AAMDC: variants seen among roughly 807,000 people sequenced by gnomAD.
AAMDC encodes the protein adipogenesis associated Mth938 domain containing.
In AAMDC, 16 loss-of-function variants were observed where a neutral mutation model predicts 15.5. The observed-to-expected ratio is 1.03, with a 90% confidence interval of 0.70 to 1.57. The LOEUF (loss-of-function observed/expected upper bound fraction) is 1.57, where lower values mean the gene tolerates loss of function less well. Among genes scored for constraint, AAMDC ranks in the 40% most tolerant of loss-of-function variants. AAMDC has a pLI of 0.00. For missense variants in AAMDC, 141 were observed against 144.9 expected (o/e 0.97, Z 0.14); for synonymous variants, 51 against 51.6 (o/e 0.99, Z 0.05).
intron 5 of AAMDC, among the ~76,000 whole-genome samples, chr11:77,879,591 C>T (rs141675898): frequency 1.3e-3 from 201 of 152,204 alleles, no homozygotes; most frequent in African/African-American, 4.2e-3. Context: ...GGAAGTGGTT[C>T]GCCAAAAAGT....
intron 1 of AAMDC, among the ~76,000 whole-genome samples, chr11:77,826,878 G>A (rs1410244185): frequency 1.3e-5 from 2 of 152,184 alleles, no homozygotes; most frequent in African/African-American, 4.8e-5. Context: ...GCCGAGGTGG[G>A]CAGAACACCT....
intron 2 of AAMDC, among the ~76,000 whole-genome samples, chr11:77,852,224 C>CAAAAAAAAAAAAAAAAAAAAAAAAAAAA (rs545742213): frequency 9.0e-5 from 3 of 33,496 alleles, no homozygotes; most frequent in East Asian, 9.5e-4. Context: ...GACACTGTCT[C>CAAAAAAAAAAAAAAAAAAAAAAAAAAAA]AAAAAAAAAA....
At chr11:77,863,228 G>A (rs1470478364) in intron 2 of AAMDC, among the ~76,000 whole-genome samples, 1 of 152,154 alleles carries the variant, frequency 6.6e-6, no homozygotes, top group Non-Finnish European at 1.5e-5. Flanking sequence ...AGCCATGCAG[G>A]AACAATGGCA....
At chr11:77,851,592 C>A (rs1418306198) in intron 2 of AAMDC, 1 of 151,894 alleles carries the variant, frequency 6.6e-6, no homozygotes, top group South Asian at 2.1e-4. Context: ...GTCATGTGGG[C>A]AGTTCCCTCA....
chr11:77,858,630 C>G (rs941626842), intron 2 of AAMDC, among the ~76,000 whole-genome samples: 6 of 152,104 alleles, frequency 3.9e-5, no homozygotes, highest in African/African-American at 1.4e-4. Flanking sequence ...CTCAGTCCCC[C>G]CTCTCAACAG....
chr11:77,884,409 G>A (rs879840511), intron 5 of AAMDC, among the ~76,000 whole-genome samples: 11 of 152,112 alleles, frequency 7.2e-5, no homozygotes, highest in East Asian at 3.9e-4. Flanking sequence ...ACGGAGAGAC[G>A]GCTCAATGAA....
chr11:77,882,523 T>G (rs2136355953), intron 5 of AAMDC, among the ~76,000 whole-genome samples: 1 of 152,284 alleles, frequency 6.6e-6, no homozygotes, highest in South Asian at 2.1e-4. Flanking sequence ...CCGGGATCCC[T>G]TCAGCAGAAG....
chr11:77,889,345 A>G lies in AAMDC; in HGVS notation c.329-11226A>G, dbSNP rs897029623. ...CTCACTCATAGGTGGGAACTGAACA[A>G]TGAGAACACATGGACACAGGAAGGG... On this transcript the variant is annotated intron_variant, in intron 5 of 5. Transcript: ENST00000304716. Among the ~76,000 whole-genome samples the G allele has an allele frequency of 6.2e-4, 90 of 145,698 alleles. 2 individuals carry two copies. Among genetic ancestry groups the G allele is most frequent in the African/African-American group, 2.2e-3 (89 of 39,956 alleles).
At chr11:77,849,487 G>T (rs1331941561) in intron 2 of AAMDC, among the ~76,000 whole-genome samples, 1 of 152,194 alleles carries the variant, frequency 6.6e-6, no homozygotes, top group Non-Finnish European at 1.5e-5. Context: ...GCCTCTCAAA[G>T]TGCTGGGATT....
At chr11:77,872,452 G>A, downstream of AAMDC, 3 of 1,028,570 alleles carry the variant, frequency 2.9e-6, no homozygotes, top group South Asian at 2.0e-5. Context: ...TGGGATGCAG[G>A]GATGACCAAG....
chr11:77,882,179 G>T (rs1298685143), intron 5 of AAMDC, among the ~76,000 whole-genome samples: 7 of 152,252 alleles, frequency 4.6e-5, no homozygotes, highest in African/African-American at 1.7e-4. Flanking sequence ...GCCTCCCGAA[G>T]ATTACAGGTA....
chr11:77,884,111 A>G (rs887623885), intron 5 of AAMDC, among the ~76,000 whole-genome samples: 2 of 152,200 alleles, frequency 1.3e-5, no homozygotes, highest in African/African-American at 4.8e-5. Context: ...AGACATCTCT[A>G]TTCCCCTAAT....
downstream of AAMDC, chr11:77,877,000 A>G (rs1190175653): frequency 2.8e-6 from 2 of 703,248 alleles, no homozygotes; most frequent in South Asian, 3.0e-5. Flanking sequence ...CTGTGGTACA[A>G]TTCCACCTGG....
chr11:77,871,825 G>A (rs888404218), intron 3 of AAMDC, among the ~76,000 whole-genome samples: 1 of 152,162 alleles, frequency 6.6e-6, no homozygotes, highest in Non-Finnish European at 1.5e-5. Flanking sequence ...AACCCTAGGT[G>A]TTAATGTCCC....
At chr11:77,844,316 C>T (rs766798297) in intron 2 of AAMDC, among the ~76,000 whole-genome samples, 1 of 152,104 alleles carries the variant, frequency 6.6e-6, no homozygotes, top group Non-Finnish European at 1.5e-5. Context: ...TTAAAGGACA[C>T]ACATATTAAG....
intron 2 of AAMDC, among the ~76,000 whole-genome samples, chr11:77,861,525 C>T (rs1463488122): frequency 6.6e-6 from 1 of 152,186 alleles, no homozygotes; most frequent in Non-Finnish European, 1.5e-5. Context: ...CCCTGGGCAC[C>T]CTCAGTCCTG....
At chr11:77,905,423 G>C (rs1164056091), downstream of AAMDC, among the ~76,000 whole-genome samples, 3 of 151,074 alleles carry the variant, frequency 2.0e-5, no homozygotes, top group African/African-American at 7.3e-5. Context: ...TCACGCCACT[G>C]TATTCAGCCT....
chr11:77,878,132 G>A (rs1472002781), intron 5 of AAMDC, among the ~76,000 whole-genome samples: 2 of 152,080 alleles, frequency 1.3e-5, no homozygotes, highest in Non-Finnish European at 2.9e-5. Flanking sequence ...GGAGGCCAAG[G>A]TGGGCAGATC....
intron 1 of AAMDC, among the ~76,000 whole-genome samples, chr11:77,841,781 A>G (rs1949943943): frequency 6.6e-6 from 1 of 152,146 alleles, no homozygotes; most frequent in South Asian, 2.1e-4. Context: ...AATCCCACCT[A>G]GTTTGCCAAT....
Sources: gnomAD v4.1 joint callset for allele counts (sites outside exome capture counted in the v4.1 genomes callset) on GRCh38, gnomAD v4.1.1 for gene constraint, MANE v1.5 for transcripts, NCBI Gene and HGNC (gene_info 2026-07-23, HGNC 2026-07-21) for gene names.